BEST4: variants seen among roughly 807,000 people sequenced by gnomAD.
The protein encoded by BEST4 is bestrophin 4, also known as bestrophin-4.
A neutral mutation model predicts 47.1 loss-of-function variants in BEST4; 36 were observed. That is an observed-to-expected ratio of 0.76 (90% CI 0.59 to 1.01). The LOEUF is 1.01. Ranked by LOEUF, BEST4 falls within the 50% of genes least tolerant of loss-of-function variation. The pLI, the probability that BEST4 is intolerant of heterozygous loss-of-function variation, is 0.00. For synonymous variants in BEST4, 250 were observed against 277.8 expected, an observed-to-expected ratio of 0.90 and a Z score of 1.00; for missense variants, 550 against 648.6, an observed-to-expected ratio of 0.85 and a Z score of 1.65.
chr1:44,787,281 G>T, intron 2 of BEST4, 91 bp downstream of exon 2: 3 of 1,256,600 alleles, frequency 2.4e-6, no homozygotes, highest in Non-Finnish European at 2.3e-6. Flanking sequence ...ACCATCTGTT[G>T]GGTAATTCTG....
chr1:44,791,254 C>G (rs1028452434), upstream of BEST4, among the ~76,000 whole-genome samples: 28 of 145,208 alleles, frequency 1.9e-4, no homozygotes, highest in African/African-American at 6.3e-4. Context: ...GTGTGTGTGT[C>G]TGTGTGTGTC....
chr1:44,784,066 C>T lies in BEST4; in HGVS notation c.*144G>A. 1.2e-6 allele frequency: 1 copy of T among 841,574 alleles called. No individual in the cohort carries two copies. Among genetic ancestry groups the T allele is most frequent in the Non-Finnish European group, 1.6e-6 (1 of 608,924 alleles). The allele number at this position is 841,574 out of a possible 1,614,324, so 52.1% of individuals were successfully genotyped here. Reference sequence around the variant, plus strand: ...CCCTGGCTCAGGCCCTTTTCGCCATCTTCTCTTTCAAGTTCTGTCCCTAAA... The same window carrying T: ...CCCTGGCTCAGGCCCTTTTCGCCATTTTCTCTTTCAAGTTCTGTCCCTAAA... On this transcript the variant is annotated 3_prime_UTR_variant, in exon 9 of 9. Coordinates refer to ENST00000372207, the MANE Select transcript of BEST4 (RefSeq NM_153274.3). This position sits in a 1 kb window ranked among gnomAD's most constrained non-coding sequence, Gnocchi z 6.2.
In BEST4 at chr1:44,785,252, C is replaced by CT. The variant is rs771708386; in HGVS notation, c.767dup (p.Phe257ValfsTer51). The CT allele has an allele frequency of 5.6e-6, 9 of 1,612,454 alleles. No individual in the cohort carries two copies. The African/African-American group carries it at 1.2e-4, about 22-fold the overall frequency. On this transcript the variant is annotated frameshift_variant, in exon 6 of 9. Transcript: ENST00000372207. LOFTEE classifies it high-confidence loss of function. The stretch of plus-strand genomic sequence containing the variant: ...CAGCCCCTGCCTCTGGCTCCACAAA[C>CT]TGGCGGCCAACCAGGGAGAGGGCAA...
chr1:44,787,536 C>G lies in BEST4; in HGVS notation c.152+18G>C. The stretch of plus-strand genomic sequence containing the variant: ...CCCAGTCTCCCCACTTGCGCCAGCT[C>G]TAAGACCCTGCCCTTACCGGTAGGT... On this transcript the variant is annotated intron_variant, in intron 1 of 8. Coordinates refer to ENST00000372207, the MANE Select transcript of BEST4 (RefSeq NM_153274.3). The G allele has an allele frequency of 1.2e-6, 2 of 1,614,154 alleles. No individual in the cohort carries two copies. The highest frequency in any genetic ancestry group is 1.7e-6 in the Non-Finnish European group (2 of 1,180,018).
At position 44,786,103 on chromosome 1, in the gene BEST4, C is replaced by G. The variant is rs1166332308; in HGVS notation, c.607G>C (p.Asp203His). Reference protein sequence around the residue: ...AQARRDGRIRDDIALCLLLEE... With the variant: ...AQARRDGRIRHDIALCLLLEE... ...AAAAGTAGACAGAGAGCGATATCGT[C>G]ACGTATTCGCCCGTCCCTCCGGGCC... Residue 203 changes from aspartate to histidine, a missense_variant, in exon 4 of 9, where the codon GAC becomes CAC. Asp to His is a moderately conservative substitution (Grantham distance 81). This residue lies in a region of BEST4 where 291 missense variants were observed against 342.4 expected (regional missense o/e 0.85). Transcript: ENST00000372207. The surrounding 1 kb of genome is among the most constrained non-coding windows in gnomAD (Gnocchi z 4.9). 2 of 1,612,436 alleles carry G rather than the reference C, an allele frequency of 1.2e-6. No individual in the cohort carries two copies. The highest frequency in any genetic ancestry group is 1.7e-6 in the Non-Finnish European group (2 of 1,179,380).
rs1403098972 is a variant in BEST4 at position 44,786,812 on chromosome 1, G to A, written c.248-116C>T. ...CCAGGCCAGTTGAATCGTGGCAGGG[G>A]GAAGGAAACATTCAGCTCCAGTGCC... On this transcript the variant is annotated intron_variant, in intron 2 of 8. Coordinates refer to ENST00000372207, the MANE Select transcript of BEST4 (RefSeq NM_153274.3). The surrounding 1 kb of genome is among the most constrained non-coding windows in gnomAD (Gnocchi z 4.9). 6 of 784,468 alleles carry A rather than the reference G, an allele frequency of 7.6e-6. No individual in the cohort carries two copies. The highest frequency in any genetic ancestry group is 3.5e-5 in the African/African-American group (2 of 57,170). The allele number at this position is 784,468 out of a possible 1,614,324, so 48.6% of individuals were successfully genotyped here. A position where few individuals can be genotyped will look rare whatever the true frequency, so the allele number is the denominator to read the frequency against.
chr1:44,786,543 A>C lies in BEST4; in HGVS notation c.401T>G (p.Leu134Arg), dbSNP rs1557613835. 1 of 1,550,388 alleles carries C rather than the reference A, an allele frequency of 6.4e-7. No individual in the cohort carries two copies. The highest frequency in any genetic ancestry group is 8.7e-7 in the Non-Finnish European group (1 of 1,147,582). ...CGAGCGCAGCACCAGCACGGACGCCAGGTTCGCGTAGCGGATGAGGGTGCG... is the reference window on the plus strand; with the variant it reads ...CGAGCGCAGCACCAGCACGGACGCCCGGTTCGCGTAGCGGATGAGGGTGCG... ...LRRTLIRYAN[L>R]ASVLVLRSVS... The change falls in exon 3 of 9, where the codon CTG becomes CGG. Residue 134 changes from leucine to arginine, a missense_variant. Leu to Arg is a moderately radical substitution (Grantham distance 102). Transcript: ENST00000372207. This position sits in a 1 kb window ranked among gnomAD's most constrained non-coding sequence, Gnocchi z 4.9.
chr1:44,782,537 G>A (rs1264368420), downstream of BEST4, among the ~76,000 whole-genome samples: 1 of 152,088 alleles, frequency 6.6e-6, no homozygotes, highest in East Asian at 1.9e-4. Context: ...GGCTGAGGCA[G>A]GAGAATTGCT....
chr1:44,789,257 AAG>A (rs1394478040), upstream of BEST4, among the ~76,000 whole-genome samples: 19,927 of 137,718 alleles, frequency 0.14, 1,345 homozygotes, highest in African/African-American at 0.19. Context: ...AAAAAAAAAA[AAG>A]AAAAGAAAGA....
rs1238234644 is a variant in BEST4, at chr1:44,786,617, G to T, written c.327C>A (p.Val109=). 11 of 1,551,422 alleles carry T rather than the reference G, an allele frequency of 7.1e-6. No individual in the cohort carries two copies. The highest frequency in any genetic ancestry group is 9.6e-6 in the Non-Finnish European group (11 of 1,147,008). The change falls in exon 3 of 9, where the codon GTC becomes GTA. Residue 109 remains valine (V), a synonymous_variant. Coordinates refer to ENST00000372207, the MANE Select transcript of BEST4 (RefSeq NM_153274.3). This position sits in a 1 kb window ranked among gnomAD's most constrained non-coding sequence, Gnocchi z 4.9. ...CCACGCCGTGCACGCTAGCCGAGAT[G>T]ACGCACATCAGCTGGTCTGGCAGCG... ...SIPLPDQLMC[V]ISASVHGVDQ...
At chr1:44,788,590 C>T (rs948999712), upstream of BEST4, among the ~76,000 whole-genome samples, 1 of 152,244 alleles carries the variant, frequency 6.6e-6, no homozygotes, top group Non-Finnish European at 1.5e-5. Flanking sequence ...CCACATTTCA[C>T]AGATGAGGCT....
rs1321962976 is a variant in BEST4 at position 44,785,124 on chromosome 1, TAGA to T, written c.893_895del (p.Phe298del). 1.2e-5 allele frequency: 20 copies of T among 1,613,780 alleles called. No homozygotes were observed. The highest frequency in any genetic ancestry group is 6.7e-5 in the East Asian group (3 of 44,882). ...AGTGCCCACCTTGAGCCAGCCAGCATAGAAGAAGAACTGCAGCAGAGTGGTGAG... is the reference window on the plus strand; with the variant it reads ...AGTGCCCACCTTGAGCCAGCCAGCATAGAAGAACTGCAGCAGAGTGGTGAG... On this transcript the variant is annotated inframe_deletion, in exon 6 of 9. Transcript: ENST00000372207.
rs1424955189 is a variant in BEST4 at position 44,786,475 on chromosome 1, C to T, written c.469G>A (p.Val157Met). The T allele has an allele frequency of 2.6e-6, 4 of 1,527,036 alleles. No homozygotes were observed. The highest frequency in any genetic ancestry group is 3.5e-6 in the Non-Finnish European group (4 of 1,134,946). The allele number at this position is 1,527,036 out of a possible 1,614,324, so 94.6% of individuals were successfully genotyped here. The change falls in exon 3 of 9, where the codon GTG (valine) becomes ATG (methionine). Residue 157 changes from valine to methionine, a missense_variant. Around this residue, in one of 3 missense-constraint regions of BEST4, gnomAD observed 291 missense variants for 342.4 expected, o/e 0.85. Transcript: ENST00000372207. This position sits in a 1 kb window ranked among gnomAD's most constrained non-coding sequence, Gnocchi z 4.9. ...VLKRFPTMEH[V>M]VDAGFMSQEE... is the part of the protein sequence containing the mutation. ...GCGGGCGGCGCACCTGCGTCCACCACGTGCTCCATGGTGGGGAAGCGCTTA... is the reference window on the plus strand; with the variant it reads ...GCGGGCGGCGCACCTGCGTCCACCATGTGCTCCATGGTGGGGAAGCGCTTA...
At chr1:44,792,379 A>G (rs576911136), upstream of BEST4, among the ~76,000 whole-genome samples, 4 of 150,784 alleles carry the variant, frequency 2.7e-5, no homozygotes, top group Non-Finnish European at 4.4e-5. Context: ...GTGAGCCCCA[A>G]TCATGCCATT....
chr1:44,785,652 A>G lies in BEST4; in HGVS notation c.661T>C (p.Cys221Arg). 1 of 1,554,790 alleles carries G rather than the reference A, an allele frequency of 6.4e-7. No homozygotes were observed. Among genetic ancestry groups the G allele is most frequent in the Non-Finnish European group, 8.7e-7 (1 of 1,149,018 alleles). ...LEELNKYRAK[C>R]SMLFHYDWIS... Reference sequence around the variant, plus strand: ...CAGTCATAGTGGAATAGCATGCTGCACTTGGCTCGGTACTTGTTCAGCTCC... The same window carrying G: ...CAGTCATAGTGGAATAGCATGCTGCGCTTGGCTCGGTACTTGTTCAGCTCC... Residue 221 changes from cysteine to arginine, a missense_variant, in exon 5 of 9, where the codon TGC becomes CGC. Around this residue, in one of 3 missense-constraint regions of BEST4, gnomAD observed 291 missense variants for 342.4 expected, o/e 0.85. Coordinates refer to ENST00000372207, the MANE Select transcript of BEST4 (RefSeq NM_153274.3).
chr1:44,786,540 G>T lies in BEST4; in HGVS notation c.404C>A (p.Ala135Glu). 1 of 1,550,450 alleles carries T rather than the reference G, an allele frequency of 6.4e-7. No homozygotes were observed. The highest frequency in any genetic ancestry group is 8.7e-7 in the Non-Finnish European group (1 of 1,147,764). ...RRTLIRYANL[A>E]SVLVLRSVST... Reference sequence around the variant, plus strand: ...GACCGAGCGCAGCACCAGCACGGACGCCAGGTTCGCGTAGCGGATGAGGGT... The same window carrying T: ...GACCGAGCGCAGCACCAGCACGGACTCCAGGTTCGCGTAGCGGATGAGGGT... The change falls in exon 3 of 9, where the codon GCG becomes GAG. Residue 135 changes from alanine (A) to glutamate (E), a missense_variant. Physicochemically the swap from Ala to Glu is moderately radical, Grantham distance 107 (BLOSUM62 -1). Transcript: ENST00000372207. The surrounding 1 kb of genome is among the most constrained non-coding windows in gnomAD (Gnocchi z 4.9).
chr1:44,785,291 G>A lies in BEST4; in HGVS notation c.729C>T (p.Ala243=), dbSNP rs200423836. The A allele has an allele frequency of 1.7e-5, 27 of 1,600,722 alleles. 1 individual carries two copies. Among genetic ancestry groups the A allele is most frequent in the East Asian group, 1.1e-4 (5 of 44,758 alleles). The change falls in exon 6 of 9, where the codon GCC becomes GCT. Residue 243 remains alanine, a synonymous_variant. Transcript: ENST00000372207. ...GGGAGAGGGCAAAGAAAGAGTAGAC[G>A]GCTATGGTCACCACCTGGAGAATGA... is the stretch of plus-strand genomic sequence containing the variant. ...PLVYTQVVTI[A]VYSFFALSLV...
intron 4 of BEST4, 55 bp from the exon 5 acceptor site, chr1:44,785,731 C>T (rs1651195661): frequency 1.8e-5 from 27 of 1,460,064 alleles, no homozygotes; most frequent in Non-Finnish European, 2.5e-5. Flanking sequence ...AACAGGGGTG[C>T]CCAGCACAAA....
Position 44,784,833 on chromosome 1 carries a change from G to T in BEST4, c.994-50C>A. The T allele has an allele frequency of 6.2e-7, 1 of 1,605,726 alleles. No individual in the cohort carries two copies. Among genetic ancestry groups the T allele is most frequent in the Non-Finnish European group, 8.5e-7 (1 of 1,175,290 alleles). On this transcript the variant is annotated intron_variant, in intron 7 of 8. Coordinates refer to ENST00000372207, the MANE Select transcript of BEST4 (RefSeq NM_153274.3). This position sits in a 1 kb window ranked among gnomAD's most constrained non-coding sequence, Gnocchi z 6.2. ...ATCCTCCTCTCCTCTCCTTCCCACG[G>T]CCGGGCTGAGAGCTGACCGGGAGAG...
Sources: allele counts gnomAD v4.1 joint callset (sites outside exome capture counted in the v4.1 genomes callset), GRCh38; gene constraint gnomAD v4.1.1; regional missense constraint gnomAD v4.1.1; non-coding constraint Gnocchi (gnomAD v3.1); transcripts MANE v1.5; gene names NCBI Gene and HGNC (gene_info 2026-07-23, HGNC 2026-07-21).